Variants in KIAA1671 observed in about 807,000 individuals in gnomAD.
The protein encoded by KIAA1671 is uncharacterized protein KIAA1671.
A neutral mutation model predicts 131.2 loss-of-function variants in KIAA1671; 52 were observed. The observed-to-expected ratio is 0.40, with a 90% CI of 0.32 to 0.50. KIAA1671 has a LOEUF of 0.50. Among genes scored for constraint, KIAA1671 ranks in the 20% least tolerant of loss-of-function variants. The probability of loss-of-function intolerance (pLI) is 0.73; values close to 1 mark genes in which losing one functional copy is unlikely to be tolerated. For missense variants in KIAA1671, 2,360 were observed against 2,364.2 expected, an observed-to-expected ratio of 1.00 and a Z score of 0.04; for synonymous variants, 1,003 against 961.6, an observed-to-expected ratio of 1.04 and a Z score of -0.80.
At position 25,030,761 on chromosome 22, in the gene KIAA1671, A is replaced by G. The variant is rs1926241946; in HGVS notation, c.1541+1221A>G. On this transcript the variant is annotated intron_variant, in intron 3 of 12. Transcript: ENST00000358431. ...TTGTTTTCCCACAAGTGGCCACAACAGAGAGATGCCACTCGGCATGATCGA... is the reference window on the plus strand; with the variant it reads ...TTGTTTTCCCACAAGTGGCCACAACGGAGAGATGCCACTCGGCATGATCGA... 2.0e-5 allele frequency among the ~76,000 whole-genome samples: 3 copies of G among 152,344 alleles called. No individual in the cohort carries two copies. The South Asian group carries it at 6.2e-4, about 32-fold the overall frequency.
chr22:25,098,462 TAAAC>T (rs1384324083), intron 6 of KIAA1671, among the ~76,000 whole-genome samples: 1 of 152,154 alleles, frequency 6.6e-6, no homozygotes, highest in Non-Finnish European at 1.5e-5. Context: ...CAGTAATAAA[TAAAC>T]AATTAGGGAA....
chr22:25,105,007 C>CTCTT (rs937051729), intron 6 of KIAA1671, among the ~76,000 whole-genome samples: 1 of 151,832 alleles, frequency 6.6e-6, no homozygotes, highest in African/African-American at 2.4e-5. Flanking sequence ...TTTCTTCTTT[C>CTCTT]TCTTTCTTTC....
intron 6 of KIAA1671, among the ~76,000 whole-genome samples, chr22:25,152,469 T>C (rs73882015): frequency 8.1e-4 from 124 of 152,328 alleles, no homozygotes; most frequent in African/African-American, 2.8e-3. Flanking sequence ...GACACATGCA[T>C]GTACAGAGGA....
At chr22:25,081,791 CA>C (rs1299980103) in intron 6 of KIAA1671, among the ~76,000 whole-genome samples, 6 of 152,046 alleles carry the variant, frequency 3.9e-5, no homozygotes, top group Admixed American at 1.3e-4. Flanking sequence ...AGTCCAACAT[CA>C]GGAGAGAATA....
intron 6 of KIAA1671, chr22:25,063,833 C>T (rs1928312812): frequency 6.6e-6 from 1 of 152,194 alleles, no homozygotes; most frequent in Admixed American, 6.5e-5. Context: ...GACACCTGGA[C>T]TCTGTGCTGA....
Position 25,040,978 on chromosome 22 carries a change from C to A in KIAA1671, c.3848C>A (p.Thr1283Asn). Reference protein sequence around the residue: ...TPGLGKQLAETLETAMGTKSS... With the variant: ...TPGLGKQLAENLETAMGTKSS... ...GGCTTAGGCAAGCAGCTGGCAGAGA[C>A]CTTGGAGACAGCCATGGGCACCAAA... The change falls in exon 5 of 13, where the codon ACC (threonine) becomes AAC (asparagine). Residue 1283 changes from threonine to asparagine, a missense_variant. Physicochemically the swap from Thr to Asn is moderately conservative, Grantham distance 65 (BLOSUM62 0). This residue lies in a region of KIAA1671 where 1,161 missense variants were observed against 1,204.7 expected (regional missense o/e 0.96). Coordinates refer to ENST00000358431, the MANE Select transcript of KIAA1671 (RefSeq NM_001145206.2). 6.8e-7 allele frequency: 1 copy of A among 1,475,922 alleles called. No individual in the cohort carries two copies. Among genetic ancestry groups the A allele is most frequent in the Non-Finnish European group, 9.0e-7 (1 of 1,113,008 alleles). The allele number at this position is 1,475,922 out of a possible 1,614,324, so 91.4% of individuals were successfully genotyped here. A position where few individuals can be genotyped will look rare whatever the true frequency, so the allele number is the denominator to read the frequency against.
rs1926888736 is a variant in KIAA1671, at chr22:25,040,938, CA to C, written c.3809del (p.His1270ProfsTer7). 1 of 1,481,860 alleles carries C rather than the reference CA, an allele frequency of 6.7e-7. No homozygotes were observed. The highest frequency in any genetic ancestry group is 2.5e-5 in the Admixed American group (1 of 39,554). 91.8% of individuals were successfully genotyped at this position (1,481,860 alleles called of 1,614,324 possible). ...ACCGGCCAGTTCTGCCGAAATAAAT[CA>C]CAGTTTCACTCCTGGCTTAGGCAAG... The part of the protein sequence containing the change: ...WKPASSAEIN[H>X]SFTPGLGKQL... On this transcript the variant is annotated frameshift_variant, in exon 5 of 13. Coordinates refer to ENST00000358431, the MANE Select transcript of KIAA1671 (RefSeq NM_001145206.2). LOFTEE classifies it high-confidence loss of function.
intron 10 of KIAA1671, among the ~76,000 whole-genome samples, chr22:25,183,046 G>C (rs895591995): frequency 1.3e-5 from 2 of 151,424 alleles, no homozygotes; most frequent in African/African-American, 2.5e-5. Flanking sequence ...CACTTAATTT[G>C]GGTGAGGAAA....
intron 6 of KIAA1671, among the ~76,000 whole-genome samples, chr22:25,087,343 G>A (rs184259535): frequency 4.9e-4 from 74 of 152,234 alleles, no homozygotes; most frequent in Non-Finnish European, 8.2e-4. Context: ...CCAATACTTC[G>A]GGAGGCCGAG....
chr22:25,030,498 C>G (rs964450288), intron 3 of KIAA1671, among the ~76,000 whole-genome samples: 5 of 151,782 alleles, frequency 3.3e-5, no homozygotes, highest in African/African-American at 9.7e-5. Context: ...TCACACCACT[C>G]CACTCCAGCC....
intron 4 of KIAA1671, among the ~76,000 whole-genome samples, chr22:25,035,723 T>C (rs1926552737): frequency 1.3e-5 from 2 of 152,076 alleles, no homozygotes; most frequent in African/African-American, 4.8e-5. Context: ...AGTGGCAAAA[T>C]GTTGATTGTC....
At chr22:25,117,676 A>G (rs1931745152) in intron 6 of KIAA1671, among the ~76,000 whole-genome samples, 2 of 151,154 alleles carry the variant, frequency 1.3e-5, no homozygotes, top group African/African-American at 2.4e-5. Flanking sequence ...ATTGCAAGGA[A>G]AGGATGTATA....
chr22:25,166,012 C>T (rs1287400722), intron 6 of KIAA1671, among the ~76,000 whole-genome samples: 3 of 152,026 alleles, frequency 2.0e-5, no homozygotes, highest in East Asian at 1.9e-4. Context: ...CCCGGAGGGA[C>T]GTGGGGGGCT....
intron 6 of KIAA1671, among the ~76,000 whole-genome samples, chr22:25,137,452 C>A (rs897882200): frequency 2.0e-5 from 3 of 152,188 alleles, no homozygotes; most frequent in Non-Finnish European, 4.4e-5. Flanking sequence ...GGTTATTATT[C>A]ATGATGACTG....
At chr22:25,141,462 G>T (rs1035114435) in intron 6 of KIAA1671, among the ~76,000 whole-genome samples, 1 of 152,090 alleles carries the variant, frequency 6.6e-6, no homozygotes, top group South Asian at 2.1e-4. Flanking sequence ...TCAATCTCCT[G>T]ACCTCGTGAT....
chr22:25,110,520 C>A (rs2145911734), intron 6 of KIAA1671, among the ~76,000 whole-genome samples: 1 of 152,288 alleles, frequency 6.6e-6, no homozygotes, highest in East Asian at 1.9e-4. Context: ...TCTGAATCTG[C>A]ATTTCCTTGT....
chr22:24,981,009 A>G (rs1360324127), intron 1 of KIAA1671, among the ~76,000 whole-genome samples: 1 of 151,940 alleles, frequency 6.6e-6, no homozygotes, highest in East Asian at 1.9e-4. Flanking sequence ...GGCCTCCCAA[A>G]GTGCTGAGAT....
At chr22:25,044,666 A>G (rs1469955255) in intron 5 of KIAA1671, among the ~76,000 whole-genome samples, 1 of 152,104 alleles carries the variant, frequency 6.6e-6, no homozygotes, top group African/African-American at 2.4e-5. Context: ...ACCAATACAG[A>G]AGGAAAAAAT....
chr22:24,965,852 TGTA>T (rs1411507860), intron 1 of KIAA1671, among the ~76,000 whole-genome samples: 3 of 152,186 alleles, frequency 2.0e-5, no homozygotes, highest in Non-Finnish European at 4.4e-5. Context: ...CCTTGCTTGT[TGTA>T]GTAGCAGAAA....
Sources: gnomAD v4.1 joint callset for allele counts (sites outside exome capture counted in the v4.1 genomes callset) on GRCh38, gnomAD v4.1.1 for gene constraint, gnomAD v4.1.1 regional missense constraint, MANE v1.5 for transcripts, NCBI Gene and HGNC (gene_info 2026-07-23, HGNC 2026-07-21) for gene names.